Variants in NME1 observed in about 807,000 individuals in gnomAD.
NME1 encodes nucleoside diphosphate kinase A.
In NME1, 9 loss-of-function variants were observed where a neutral mutation model predicts 17.2. The ratio of observed to expected loss-of-function variants is 0.52; its 90% CI spans 0.32 to 0.92. The LOEUF is 0.92. NME1 is among the 40% of genes least tolerant of loss of function. The probability of loss-of-function intolerance (pLI) is 0.04; values close to 1 mark genes in which losing one functional copy is unlikely to be tolerated. For synonymous variants in NME1, 72 were observed against 70.8 expected (o/e 1.02, Z -0.09); for missense variants, 169 against 201.7 (o/e 0.84, Z 0.98).
At chr17:51,161,451 C>A in intron 4 of NME1, 179 bp downstream of exon 4, 1 of 710,470 alleles carries the variant, frequency 1.4e-6, no homozygotes, top group South Asian at 1.7e-5. Context: ...CTTAGTCGTA[C>A]CTCTGTTACA....
At chr17:51,156,729 TAA>T (rs2049791162) in intron 2 of NME1, among the ~76,000 whole-genome samples, 1 of 151,750 alleles carries the variant, frequency 6.6e-6, no homozygotes, top group Non-Finnish European at 1.5e-5. Flanking sequence ...CCGTCTCTAC[TAA>T]AAATACAAAA....
At chr17:51,154,187 G>T in intron 1 of NME1, 2 of 543,612 alleles carry the variant, frequency 3.7e-6, no homozygotes, top group Non-Finnish European at 6.7e-6. Context: ...GTTGCAGAAT[G>T]GTGATAAATG....
chr17:51,159,244 A>T (rs1275794161), intron 2 of NME1, among the ~76,000 whole-genome samples: 1 of 152,206 alleles, frequency 6.6e-6, no homozygotes, highest in Non-Finnish European at 1.5e-5. Context: ...ACTTGAGTCC[A>T]GGAGTTTGAG....
intron 2 of NME1, among the ~76,000 whole-genome samples, chr17:51,158,392 A>G (rs1425374399): frequency 6.6e-6 from 1 of 152,186 alleles, no homozygotes; most frequent in Non-Finnish European, 1.5e-5. Context: ...GTGAGCTATG[A>G]TCATGCCATT....
Position 51,162,005 on chromosome 17 carries a change from G to A in NME1, c.*160G>A, listed in dbSNP as rs540437062. ...CTCCCTGTACAGTGTTACCATCCCC[G>A]ACCATCTGATTAAAATGCTTCCTCC... On this transcript the variant is annotated 3_prime_UTR_variant, in exon 5 of 5. Coordinates refer to ENST00000393196, the MANE Select transcript of NME1 (RefSeq NM_000269.3). 20 of 617,118 alleles carry A rather than the reference G, an allele frequency of 3.2e-5. No homozygotes were observed. The highest frequency in any genetic ancestry group is 2.0e-4 in the South Asian group (11 of 53,672). The allele number at this position is 617,118 out of a possible 1,614,324, so 38.2% of individuals were successfully genotyped here.
intron 3 of NME1, chr17:51,160,719 C>G (rs1214608138): frequency 3.4e-6 from 1 of 291,622 alleles, no homozygotes; most frequent in Non-Finnish European, 6.5e-6. Flanking sequence ...ACGCCATTCT[C>G]CTGCCTTAGC....
In NME1 at chr17:51,160,143, T is replaced by C. The variant is rs752869417; in HGVS notation, c.228+62T>C. The C allele has an allele frequency of 3.2e-6, 5 of 1,568,722 alleles. No individual in the cohort carries two copies. In the South Asian group the frequency reaches 5.5e-5, roughly 17 times the overall value. On this transcript the variant is annotated intron_variant, in intron 3 of 4. Coordinates refer to ENST00000393196, the MANE Select transcript of NME1 (RefSeq NM_000269.3). ...TGCTTGTCATCTGTGCTAGGCTCTC[T>C]TCTAGACACTGGGGATACAGCCATG...
rs766310170 is a variant in NME1, at chr17:51,161,291, TC to T, written c.341+24del. On this transcript the variant is annotated intron_variant, in intron 4 of 4. Coordinates refer to ENST00000393196, the MANE Select transcript of NME1 (RefSeq NM_000269.3). ...TTGGCAGGTGAGATTTTGGTATTTT[TC>T]CCCCTTTTCCAAAATCTGATTTAGT... is the stretch of plus-strand genomic sequence containing the variant. 5.1e-6 allele frequency: 8 copies of T among 1,580,492 alleles called. No individual in the cohort carries two copies. The highest frequency in any genetic ancestry group is 6.9e-6 in the Non-Finnish European group (8 of 1,162,212).
intron 3 of NME1, 90 bp downstream of exon 3, chr17:51,160,171 T>G (rs549157647): frequency 2.2e-6 from 3 of 1,372,346 alleles, no homozygotes; most frequent in Non-Finnish European, 3.1e-6. Flanking sequence ...CAGCCATGAA[T>G]GAGACCAAAT....
rs866623183 is a variant in NME1, at chr17:51,161,210, G to T, written c.279G>T (p.Glu93Asp). ...AGACGGGCCGAGTCATGCTCGGGGA[G>T]ACCAACCCTGCAGACTCCAAGCCTG... is the stretch of plus-strand genomic sequence containing the variant. Reference protein sequence around the residue: ...VVKTGRVMLGETNPADSKPGT... With the variant: ...VVKTGRVMLGDTNPADSKPGT... The change falls in exon 4 of 5, where the codon GAG (glutamate) becomes GAT (aspartate). Residue 93 changes from glutamate to aspartate, a missense_variant. Glu to Asp is a conservative substitution (Grantham distance 45). Transcript: ENST00000393196. 2 of 1,613,148 alleles carry T rather than the reference G, an allele frequency of 1.2e-6. No homozygotes were observed. Among genetic ancestry groups the T allele is most frequent in the Middle Eastern group, 3.3e-4 (2 of 6,058 alleles).
At chr17:51,158,830 A>G (rs1243182387) in intron 2 of NME1, among the ~76,000 whole-genome samples, 1 of 152,242 alleles carries the variant, frequency 6.6e-6, no homozygotes, top group East Asian at 1.9e-4. Context: ...TGAAACTGCT[A>G]AGCAGATGGT....
At chr17:51,154,172 TG>T in intron 1 of NME1, 8 of 538,616 alleles carry the variant, frequency 1.5e-5, no homozygotes, top group South Asian at 4.6e-5. Context: ...TTTTTTTTTT[TG>T]GAAGTTGCAG....
At chr17:51,158,759 G>A (rs1444014024) in intron 2 of NME1, among the ~76,000 whole-genome samples, 2 of 152,174 alleles carry the variant, frequency 1.3e-5, no homozygotes. Flanking sequence ...AAAACCATGG[G>A]ACCCTGTTAG....
chr17:51,161,355 C>T, intron 4 of NME1, 83 bp downstream of exon 4: 1 of 1,239,158 alleles, frequency 8.1e-7, no homozygotes, highest in Non-Finnish European at 1.2e-6. Context: ...TGGAGGTAGA[C>T]ATGATACCAT....
At position 51,160,758 on chromosome 17, in the gene NME1, C is replaced by T. The variant is rs546319681; in HGVS notation, c.229-402C>T. The stretch of plus-strand genomic sequence containing the variant: ...CTGAGTAGCTGGGACTACAGGCGCC[C>T]GCCACCACGCCCAGCTAATCTTTTC... On this transcript the variant is annotated intron_variant, in intron 3 of 4. Coordinates refer to ENST00000393196, the MANE Select transcript of NME1 (RefSeq NM_000269.3). Among the ~76,000 whole-genome samples the T allele has an allele frequency of 6.3e-4, 96 of 152,098 alleles. 1 individual carries two copies. Among genetic ancestry groups the T allele is most frequent in the African/African-American group, 2.3e-3 (94 of 41,510 alleles).
intron 3 of NME1, chr17:51,160,501 G>A: frequency 2.8e-6 from 1 of 363,102 alleles, no homozygotes. Context: ...AGGGAAGTTG[G>A]GAGGTGAAGA....
chr17:51,156,171 T>C, intron 2 of NME1: 1 of 323,048 alleles, frequency 3.1e-6, no homozygotes, highest in Non-Finnish European at 6.0e-6. Context: ...AGAAAGTCTT[T>C]CCATCATCAA....
intron 4 of NME1, 195 bp from the exon 5 acceptor site, chr17:51,161,533 C>A: frequency 1.5e-6 from 1 of 671,046 alleles, no homozygotes; most frequent in Non-Finnish European, 2.6e-6. Flanking sequence ...TTTGCACCAG[C>A]GTGGCCGGGA....
intron 3 of NME1, 174 bp from the exon 4 acceptor site, chr17:51,160,986 G>A (rs535324913): frequency 6.7e-6 from 5 of 748,292 alleles, no homozygotes; most frequent in Non-Finnish European, 1.2e-5. Context: ...ATGAGGGCAG[G>A]GAGATCAGGA....
Sources: allele counts gnomAD v4.1 joint callset (sites outside exome capture counted in the v4.1 genomes callset), GRCh38; gene constraint gnomAD v4.1.1; transcripts MANE v1.5; gene names NCBI Gene and HGNC (gene_info 2026-07-23, HGNC 2026-07-21).